LPIN1: variants seen among roughly 807,000 people sequenced by gnomAD.
The protein encoded by LPIN1 is phosphatidate phosphatase LPIN1.
In LPIN1, 71 loss-of-function variants were observed where a neutral mutation model predicts 107.5. The ratio of observed to expected loss-of-function variants is 0.66; its 90% CI spans 0.55 to 0.80. The LOEUF is 0.80. Ranked by LOEUF, LPIN1 falls within the 30% of genes least tolerant of loss-of-function variation. The pLI is 0.00. For missense variants in LPIN1, 1,043 were observed against 1,160.6 expected, an observed-to-expected ratio of 0.90 and a Z score of 1.47; for synonymous variants, 445 against 452.6, an observed-to-expected ratio of 0.98 and a Z score of 0.21.
At chr2:11,767,532 G>C in intron 2 of LPIN1, 1 of 574,896 alleles carries the variant, frequency 1.7e-6, no homozygotes, top group South Asian at 2.0e-5. Flanking sequence ...CCAACGTACT[G>C]TTTTGGGTTC....
At chr2:11,695,133 G>T (rs1294549976) in intron 1 of LPIN1, among the ~76,000 whole-genome samples, 1 of 152,222 alleles carries the variant, frequency 6.6e-6, no homozygotes, top group East Asian at 1.9e-4. Flanking sequence ...GAGTACTTTG[G>T]TGAACAAATC....
At chr2:11,800,936 G>A (rs1161196939) in intron 14 of LPIN1, among the ~76,000 whole-genome samples, 2 of 152,082 alleles carry the variant, frequency 1.3e-5, no homozygotes, top group African/African-American at 4.8e-5. Context: ...TCCATTTAAC[G>A]GGTTGTCTCT....
intron 1 of LPIN1, among the ~76,000 whole-genome samples, chr2:11,702,122 C>T (rs1226610379): frequency 6.6e-6 from 1 of 152,150 alleles, no homozygotes; most frequent in African/African-American, 2.4e-5. Flanking sequence ...TCCCTAAAGA[C>T]AGGAGGCACG....
At chr2:11,721,926 A>G (rs1417438152), upstream of LPIN1, 2 of 152,300 alleles carry the variant, frequency 1.3e-5, no homozygotes, top group Admixed American at 6.5e-5. Context: ...AGACTTGCCC[A>G]TCTCTGCAAC....
chr2:11,706,654 A>C (rs571534487), intron 1 of LPIN1, among the ~76,000 whole-genome samples: 1 of 152,352 alleles, frequency 6.6e-6, no homozygotes, highest in East Asian at 1.9e-4. Flanking sequence ...GCATTATTAA[A>C]TATTATAACA....
At chr2:11,808,731 A>G (rs1281038099) in intron 17 of LPIN1, among the ~76,000 whole-genome samples, 1 of 151,924 alleles carries the variant, frequency 6.6e-6, no homozygotes, top group Non-Finnish European at 1.5e-5. Flanking sequence ...AAAATTAGCC[A>G]GGGATGGTGG....
intron 1 of LPIN1, among the ~76,000 whole-genome samples, chr2:11,759,119 GCTTGCTTTCTTTCTTTT>G (rs1376489899): frequency 3.4e-4 from 50 of 147,760 alleles, no homozygotes; most frequent in South Asian, 6.4e-4. Flanking sequence ...GAGCTAGCTA[GCTTGCTTTCTTTCTTTT>G]CTTTCTTTCT....
At position 11,826,221 on chromosome 2, in the gene LPIN1, C is replaced by T. The variant is rs570313304; in HGVS notation, c.*1430C>T. ...GAATCACAGGAGGCAAAAAATGGAA[C>T]GGTTGAATGAAATTTTACTCTTTCT... On this transcript the variant is annotated 3_prime_UTR_variant, in exon 21 of 21. Transcript: ENST00000674199. The T allele has an allele frequency of 7.1e-4, 108 of 152,630 alleles. No individual in the cohort carries two copies. The highest frequency in any genetic ancestry group is 2.4e-3 in the African/African-American group (100 of 41,526). 9.5% of individuals were successfully genotyped at this position (152,630 alleles called of 1,614,324 possible).
intron 12 of LPIN1, among the ~76,000 whole-genome samples, chr2:11,790,684 C>T (rs1675566212): frequency 6.6e-6 from 1 of 152,238 alleles, no homozygotes; most frequent in Non-Finnish European, 1.5e-5. Context: ...CTATCCTCCA[C>T]TCAGAGGCAG....
chr2:11,782,935 T>C (rs1673819947), intron 8 of LPIN1, among the ~76,000 whole-genome samples: 2 of 152,214 alleles, frequency 1.3e-5, no homozygotes, highest in Admixed American at 1.3e-4. Context: ...CATTATTTTA[T>C]TGATTTATTT....
chr2:11,787,065 C>T lies in LPIN1; in HGVS notation c.1550-9C>T, dbSNP rs777022588. 7 of 1,595,604 alleles carry T rather than the reference C, an allele frequency of 4.4e-6. No homozygotes were observed. The highest frequency in any genetic ancestry group is 6.0e-6 in the Non-Finnish European group (7 of 1,162,968). On this transcript the variant is annotated splice_polypyrimidine_tract_variant and intron_variant, in intron 10 of 20. Coordinates refer to ENST00000674199, the MANE Select transcript of LPIN1 (RefSeq NM_001349206.2). ...GTTTTTCCCTGATCCTCTGCAATTGCTGTCACAGATGCATTCCTGGAGCAA... is the reference window on the plus strand; with the variant it reads ...GTTTTTCCCTGATCCTCTGCAATTGTTGTCACAGATGCATTCCTGGAGCAA...
chr2:11,708,044 C>T (rs1233828756), intron 1 of LPIN1, among the ~76,000 whole-genome samples: 1 of 152,108 alleles, frequency 6.6e-6, no homozygotes, highest in Admixed American at 6.5e-5. Flanking sequence ...CCGAGACCAG[C>T]TGTGTCAGGC....
chr2:11,755,828 T>C (rs140779499), intron 1 of LPIN1, among the ~76,000 whole-genome samples: 1,545 of 151,792 alleles, frequency 0.01, 21 homozygotes, highest in African/African-American at 0.035. Flanking sequence ...TTCAAGCGAC[T>C]CTCCTGCCTC....
chr2:11,794,837 C>T (rs897755494), intron 13 of LPIN1, among the ~76,000 whole-genome samples: 8 of 152,182 alleles, frequency 5.3e-5, no homozygotes, highest in Middle Eastern at 3.4e-3. Context: ...GATGAGGAAG[C>T]GAAGTTCTGA....
chr2:11,824,951 G>T lies in LPIN1; in HGVS notation c.*160G>T. The T allele has an allele frequency of 2.6e-6, 2 of 783,562 alleles. No homozygotes were observed. Among genetic ancestry groups the T allele is most frequent in the South Asian group, 3.4e-5 (2 of 58,522 alleles). 48.5% of individuals were successfully genotyped at this position (783,562 alleles called of 1,614,324 possible). On this transcript the variant is annotated 3_prime_UTR_variant, in exon 21 of 21. Transcript: ENST00000674199. ...AAGCATTTCTCCCCTGCCCCACCCC[G>T]GGGCTGACATTTCTAAGCAAGATAG...
rs541822019 is a variant in LPIN1 at position 11,707,618 on chromosome 2, C to T, written c.82-6138C>T. ...TTGCTGGAGCTGCGGGAGAGAGCAGCGTGGCTGGGACTGGGTGGTGGTGCA... is the reference window on the plus strand; with the variant it reads ...TTGCTGGAGCTGCGGGAGAGAGCAGTGTGGCTGGGACTGGGTGGTGGTGCA... On this transcript the variant is annotated intron_variant, in intron 1 of 21. Transcript: ENST00000449576. The surrounding 1 kb of genome is among the most constrained non-coding windows in gnomAD (Gnocchi z 4.2). 2.6e-5 allele frequency among the ~76,000 whole-genome samples: 4 copies of T among 152,252 alleles called. No individual in the cohort carries two copies. The highest frequency in any genetic ancestry group is 1.3e-4 in the Admixed American group (2 of 15,284).
intron 1 of LPIN1, among the ~76,000 whole-genome samples, chr2:11,696,432 G>A (rs772756613): frequency 6.6e-6 from 1 of 151,970 alleles, no homozygotes; most frequent in African/African-American, 2.4e-5. Context: ...TTGATATGAT[G>A]TATATATATT....
chr2:11,788,564 C>A, intron 12 of LPIN1, 108 bp downstream of exon 12: 1 of 872,432 alleles, frequency 1.1e-6, no homozygotes, highest in Non-Finnish European at 1.9e-6. Flanking sequence ...GTTAATTCCA[C>A]TGTGCTCTTT....
chr2:11,705,866 A>G (rs1663099544), intron 1 of LPIN1, among the ~76,000 whole-genome samples: 1 of 152,180 alleles, frequency 6.6e-6, no homozygotes, highest in Non-Finnish European at 1.5e-5. Context: ...CTGTGTTCCT[A>G]TCCAAATTTC....
Sources: allele counts gnomAD v4.1 joint callset (sites outside exome capture counted in the v4.1 genomes callset), GRCh38; gene constraint gnomAD v4.1.1; non-coding constraint Gnocchi (gnomAD v3.1); transcripts MANE v1.5; gene names NCBI Gene and HGNC (gene_info 2026-07-23, HGNC 2026-07-21).